Variants in LRRC7 observed in about 807,000 individuals in gnomAD.
LRRC7 encodes the protein leucine rich repeat containing 7.
LRRC7 carries 23 observed loss-of-function variants against 175.7 expected under a neutral mutation model. That is an observed-to-expected ratio of 0.13 (90% CI 0.09 to 0.19). The LOEUF is 0.19. Among genes scored for constraint, LRRC7 ranks in the 10% least tolerant of loss-of-function variants. The pLI, the probability that LRRC7 is intolerant of heterozygous loss-of-function variation, is 1.00. For missense variants in LRRC7, 1,354 were observed against 1,904.7 expected, an observed-to-expected ratio of 0.71 and a Z score of 5.38; for synonymous variants, 685 against 680.9, an observed-to-expected ratio of 1.01 and a Z score of -0.09.
At chr1:69,973,967 C>T (rs187489351) in intron 8 of LRRC7, among the ~76,000 whole-genome samples, 12 of 152,246 alleles carry the variant, frequency 7.9e-5, no homozygotes, top group Admixed American at 5.9e-4. Context: ...GTTCCCCCTC[C>T]GAGTCGTATT....
chr1:69,611,220 T>C (rs1382258640), intron 1 of LRRC7, among the ~76,000 whole-genome samples: 1 of 152,078 alleles, frequency 6.6e-6, no homozygotes, highest in East Asian at 1.9e-4. Context: ...TTTATCTTTT[T>C]TTCATATATC....
At chr1:69,860,434 G>T (rs763794541) in intron 7 of LRRC7, among the ~76,000 whole-genome samples, 1 of 151,952 alleles carries the variant, frequency 6.6e-6, no homozygotes, top group African/African-American at 2.4e-5. Flanking sequence ...AACCCTTAAA[G>T]GTGGATTAGG....
At chr1:69,958,581 T>A (rs1056339977) in intron 8 of LRRC7, among the ~76,000 whole-genome samples, 1 of 151,858 alleles carries the variant, frequency 6.6e-6, no homozygotes, top group Non-Finnish European at 1.5e-5. Flanking sequence ...AGACAGAGGT[T>A]GAAAGTGTAT....
At chr1:69,907,905 T>C (rs2101689729) in intron 7 of LRRC7, among the ~76,000 whole-genome samples, 1 of 152,244 alleles carries the variant, frequency 6.6e-6, no homozygotes, top group African/African-American at 2.4e-5. Context: ...CTCTTTTTGG[T>C]TGGTAAGCTA....
At chr1:69,774,023 G>T (rs1672537074) in intron 3 of LRRC7, among the ~76,000 whole-genome samples, 1 of 152,142 alleles carries the variant, frequency 6.6e-6, no homozygotes, top group Admixed American at 6.5e-5. Flanking sequence ...TACTGGATTG[G>T]CCATCTTGAT....
chr1:69,912,539 C>G (rs189595887), intron 7 of LRRC7, among the ~76,000 whole-genome samples: 63 of 152,296 alleles, frequency 4.1e-4, no homozygotes, highest in Non-Finnish European at 7.2e-4. Flanking sequence ...TCAGCTCTGA[C>G]AGAGTAGCCC....
At chr1:69,782,988 C>T (rs1388097815) in intron 3 of LRRC7, among the ~76,000 whole-genome samples, 1 of 152,180 alleles carries the variant, frequency 6.6e-6, no homozygotes, top group Non-Finnish European at 1.5e-5. Context: ...CCAAACACTT[C>T]CTACAGGATA....
intron 4 of LRRC7, among the ~76,000 whole-genome samples, chr1:69,796,650 C>T (rs1345819851): frequency 2.0e-5 from 3 of 151,958 alleles, no homozygotes; most frequent in Non-Finnish European, 4.4e-5. Flanking sequence ...AAAAATTAGC[C>T]AGGCATGGTG....
chr1:69,885,426 G>C (rs1687081211), intron 7 of LRRC7, among the ~76,000 whole-genome samples: 3 of 144,262 alleles, frequency 2.1e-5, no homozygotes, highest in African/African-American at 5.3e-5. Context: ...AGTATTCTCT[G>C]ATGGTAGTTT....
At position 69,788,595 on chromosome 1, in the gene LRRC7, A is replaced by G. The variant is rs1218540725; in HGVS notation, c.304-3448A>G. Among the ~76,000 whole-genome samples the G allele has an allele frequency of 2.0e-5, 3 of 152,224 alleles. No individual in the cohort carries two copies. The East Asian group carries it at 5.8e-4, about 29-fold the overall frequency. The stretch of plus-strand genomic sequence containing the variant: ...CAAATATCTGAAACTAGCTTGAGCT[A>G]CGTATTCTTTGAGTTGAGATTATCT... On this transcript the variant is annotated intron_variant, in intron 3 of 26. Coordinates refer to ENST00000651989, the MANE Select transcript of LRRC7 (RefSeq NM_001370785.2).
In LRRC7 at chr1:69,925,183, G is replaced by C. The variant is rs1647025431; in HGVS notation, c.648-6324G>C. Among the ~76,000 whole-genome samples the C allele has an allele frequency of 3.3e-5, 5 of 152,278 alleles. No homozygotes were observed. In the South Asian group the frequency reaches 1.0e-3, roughly 32 times the overall value. ...TCATGGTGGATAAGCTTTTTGATGT[G>C]CTGCTGGATTCGGTTTGCCAGTATT... On this transcript the variant is annotated intron_variant, in intron 7 of 26. Transcript: ENST00000651989.
chr1:69,568,788 T>A, intron 1 of LRRC7, 147 bp downstream of exon 1: 1 of 486,302 alleles, frequency 2.1e-6, no homozygotes, highest in African/African-American at 2.1e-5. Flanking sequence ...GGGAGCTGCT[T>A]GTGCGGTGGC....
intron 2 of LRRC7, among the ~76,000 whole-genome samples, chr1:69,690,638 T>C (rs182282087): frequency 6.2e-4 from 94 of 152,280 alleles, no homozygotes; most frequent in Non-Finnish European, 1.1e-3. Flanking sequence ...ACATCAGGAC[T>C]GTTAAAGGAC....
At position 69,987,101 on chromosome 1, in the gene LRRC7, C is replaced by T. The variant is rs186843738; in HGVS notation, c.931+715C>T. On this transcript the variant is annotated intron_variant, in intron 10 of 26. Coordinates refer to ENST00000651989, the MANE Select transcript of LRRC7 (RefSeq NM_001370785.2). ...CACTAAAAATACAAAAAGTACCGGG[C>T]ATGGTGGTGCATGCCTGTAGTCCCA... Among the ~76,000 whole-genome samples the T allele has an allele frequency of 2.0e-5, 3 of 152,116 alleles. No individual in the cohort carries two copies. The East Asian group carries it at 5.8e-4, about 30-fold the overall frequency.
At chr1:69,691,508 T>G (rs1454848275) in intron 2 of LRRC7, among the ~76,000 whole-genome samples, 1 of 152,008 alleles carries the variant, frequency 6.6e-6, no homozygotes, top group African/African-American at 2.4e-5. Flanking sequence ...TTATAAAGGA[T>G]ACAACTTGGC....
At chr1:69,638,577 C>A (rs1307091859) in intron 1 of LRRC7, among the ~76,000 whole-genome samples, 1 of 151,456 alleles carries the variant, frequency 6.6e-6, no homozygotes, top group Admixed American at 6.6e-5. Flanking sequence ...AGTTAAGAAC[C>A]GAGAGTATAT....
At chr1:69,978,934 A>G (rs1235573347) in intron 8 of LRRC7, among the ~76,000 whole-genome samples, 3 of 20,564 alleles carry the variant, frequency 1.5e-4, no homozygotes, top group African/African-American at 7.6e-4. Flanking sequence ...TTCAGTTAGA[A>G]AAAAAAAAAA....
In LRRC7 at chr1:70,140,548, T is replaced by G. The variant is rs1667024299; in HGVS notation, c.*18661T>G. 6.6e-6 allele frequency: 1 copy of G among 152,190 alleles called. No individual in the cohort carries two copies. The highest frequency in any genetic ancestry group is 1.5e-5 in the Non-Finnish European group (1 of 68,010). 9.4% of individuals were successfully genotyped at this position (152,190 alleles called of 1,614,324 possible). On this transcript the variant is annotated 3_prime_UTR_variant, in exon 27 of 27. Transcript: ENST00000651989. ...CTGGTTCCCATGGCAACAAGTCTGTTGGCAGAGAAAGTATGACTCTGCTTT... is the reference window on the plus strand; with the variant it reads ...CTGGTTCCCATGGCAACAAGTCTGTGGGCAGAGAAAGTATGACTCTGCTTT...
intron 7 of LRRC7, among the ~76,000 whole-genome samples, chr1:69,864,731 TG>T: frequency 6.6e-6 from 1 of 152,144 alleles, no homozygotes; most frequent in Non-Finnish European, 1.5e-5. Context: ...ACTTTGTAAC[TG>T]AAGAAGAAAA....
Sources: allele counts gnomAD v4.1 joint callset (sites outside exome capture counted in the v4.1 genomes callset), GRCh38; gene constraint gnomAD v4.1.1; transcripts MANE v1.5; gene names NCBI Gene and HGNC (gene_info 2026-07-23, HGNC 2026-07-21).